MARF1: variants seen among roughly 807,000 people sequenced by gnomAD.
MARF1 encodes meiosis regulator and mRNA stability factor 1.
A neutral mutation model predicts 168.2 loss-of-function variants in MARF1; 24 were observed. The observed-to-expected ratio is 0.14, with a 90% CI of 0.10 to 0.20. The LOEUF (loss-of-function observed/expected upper bound fraction) is 0.20, where lower values mean the gene tolerates loss of function less well. Among genes scored for constraint, MARF1 ranks in the 10% least tolerant of loss-of-function variants. The pLI, the probability that MARF1 is intolerant of heterozygous loss-of-function variation, is 1.00. For missense variants in MARF1, 1,744 were observed against 2,143.6 expected (o/e 0.81, Z 3.68); for synonymous variants, 868 against 822.4 (o/e 1.06, Z -0.95).
At chr16:15,620,036 A>G (rs1228689674) in intron 13 of MARF1, among the ~76,000 whole-genome samples, 1 of 152,098 alleles carries the variant, frequency 6.6e-6, no homozygotes, top group East Asian at 1.9e-4. Flanking sequence ...TTGGTGGCAC[A>G]TGCCTGTAGT....
chr16:15,604,085 T>A (rs1005524463), intron 22 of MARF1, 83 bp downstream of exon 22: 34 of 1,092,358 alleles, frequency 3.1e-5, no homozygotes, highest in Non-Finnish European at 4.5e-5. Flanking sequence ...CTCTACACAC[T>A]CTAATCTAGA....
At position 15,643,077 on chromosome 16, in the gene MARF1, C is replaced by G. The variant is rs1052769129; in HGVS notation, c.-118G>C. On this transcript the variant is annotated 5_prime_UTR_variant, in exon 1 of 27. Transcript: ENST00000396368. The stretch of plus-strand genomic sequence containing the variant: ...GCCCCGCCGCCTTCCCCCCGCCCCC[C>G]CCAGGCCCTTTGTTTTGATTCCCGA... 6.4e-5 allele frequency: 19 copies of G among 298,196 alleles called. No homozygotes were observed. Among genetic ancestry groups the G allele is most frequent in the African/African-American group, 1.4e-4 (6 of 42,280 alleles). 18.5% of individuals were successfully genotyped at this position (298,196 alleles called of 1,614,324 possible).
At chr16:15,608,582 A>C in intron 20 of MARF1, 64 bp from the exon 21 acceptor site, 1 of 1,166,078 alleles carries the variant, frequency 8.6e-7, no homozygotes, top group Non-Finnish European at 1.2e-6. Context: ...ACAGAATAGC[A>C]AAAAAAGTAT....
At chr16:15,614,218 C>G (rs1256610276) in intron 16 of MARF1, among the ~76,000 whole-genome samples, 1 of 151,960 alleles carries the variant, frequency 6.6e-6, no homozygotes, top group African/African-American at 2.4e-5. Context: ...TGCGGTGGCT[C>G]ACGTCTGTAA....
intron 13 of MARF1, among the ~76,000 whole-genome samples, chr16:15,619,295 T>TA (rs1485695991): frequency 2.0e-5 from 3 of 152,064 alleles, no homozygotes; most frequent in Non-Finnish European, 4.4e-5. Context: ...TTGTTTTTAA[T>TA]AAAAAAAATT....
intron 7 of MARF1, among the ~76,000 whole-genome samples, chr16:15,627,491 G>A (rs933032791): frequency 4.3e-4 from 65 of 152,238 alleles, no homozygotes; most frequent in African/African-American, 1.5e-3. Context: ...GGTGGCGGGC[G>A]CCTGTAATCC....
At chr16:15,619,577 G>T (rs9302517) in intron 13 of MARF1, among the ~76,000 whole-genome samples, 7,654 of 152,128 alleles carry the variant, frequency 0.05, 654 homozygotes, top group African/African-American at 0.17. Context: ...CAAGTTCCTT[G>T]TTCTTCCCTT....
intron 18 of MARF1, 106 bp from the exon 19 acceptor site, chr16:15,611,214 T>A (rs2033507275): frequency 9.1e-7 from 1 of 1,094,142 alleles, no homozygotes; most frequent in East Asian, 2.4e-5. Flanking sequence ...ATCCCAGCAC[T>A]TTGGGAGGCC....
chr16:15,600,670 C>T lies in MARF1; in HGVS notation c.4658G>A (p.Arg1553Lys). 1 of 1,613,824 alleles carries T rather than the reference C, an allele frequency of 6.2e-7. No individual in the cohort carries two copies. The highest frequency in any genetic ancestry group is 8.5e-7 in the Non-Finnish European group (1 of 1,180,034). Residue 1553 changes from arginine (R) to lysine (K), a missense_variant, in exon 24 of 27, where the codon AGA becomes AAA. Arg to Lys is a conservative substitution (Grantham distance 26). Transcript: ENST00000396368. The part of the protein sequence containing the change: ...VVWIKGHGHK[R>K]IVVLKNDMKS... ...CATGTCATTTTTTAACACTACAATT[C>T]TCTTATGACCATGTCCTTTTATCCA...
At chr16:15,617,231 A>C (rs2034126583) in intron 14 of MARF1, 60 bp from the exon 15 acceptor site, 5 of 1,610,314 alleles carry the variant, frequency 3.1e-6, no homozygotes, top group Non-Finnish European at 3.4e-6. Context: ...GATGTTCACA[A>C]GGTCATCCTA....
chr16:15,601,815 A>C (rs911795773), intron 23 of MARF1, 176 bp downstream of exon 23: 12 of 638,120 alleles, frequency 1.9e-5, no homozygotes, highest in Non-Finnish European at 3.3e-5. Flanking sequence ...GGTTTACAGA[A>C]AGAATCAAGG....
chr16:15,597,433 AGAGT>A (rs371534578), intron 26 of MARF1, among the ~76,000 whole-genome samples: 41 of 152,360 alleles, frequency 2.7e-4, no homozygotes, highest in African/African-American at 9.4e-4. Flanking sequence ...AGGACTACGC[AGAGT>A]GAGAATTACC....
In MARF1 at chr16:15,596,594, G is replaced by A; in HGVS notation, c.*99C>T. 7.9e-7 allele frequency: 1 copy of A among 1,266,586 alleles called. No individual in the cohort carries two copies. The highest frequency in any genetic ancestry group is 1.1e-6 in the Non-Finnish European group (1 of 936,092). 78.5% of individuals were successfully genotyped at this position (1,266,586 alleles called of 1,614,324 possible). On this transcript the variant is annotated 3_prime_UTR_variant, in exon 27 of 27. Coordinates refer to ENST00000396368, the MANE Select transcript of MARF1 (RefSeq NM_014647.4). ...TAAGATGAAGTCAATGGCTTCGGGG[G>A]GTTTTCATGACACAGAAAAGGATGT...
At position 15,609,536 on chromosome 16, in the gene MARF1, G is replaced by C; in HGVS notation, c.3941C>G (p.Pro1314Arg). 3 of 1,613,174 alleles carry C rather than the reference G, an allele frequency of 1.9e-6. No homozygotes were observed. The highest frequency in any genetic ancestry group is 2.5e-6 in the Non-Finnish European group (3 of 1,179,202). The change falls in exon 20 of 27, where the codon CCT becomes CGT. Residue 1314 changes from proline to arginine, a missense_variant. Physicochemically the swap from Pro to Arg is moderately radical, Grantham distance 103 (BLOSUM62 -2). This residue lies in a region of MARF1 where 543 missense variants were observed against 742.1 expected (regional missense o/e 0.73). Coordinates refer to ENST00000396368, the MANE Select transcript of MARF1 (RefSeq NM_014647.4). The part of the protein sequence containing the change: ...TKLLELFEAI[P>R]DTLQVLECGE... ...TTCTTCACTCACTTGTAAAGTATCA[G>C]GTATGGCTTCAAAAAGTTCAAGTAG...
Position 15,631,327 on chromosome 16 carries a change from A to G in MARF1, c.1351+54T>C, listed in dbSNP as rs956586157. The stretch of plus-strand genomic sequence containing the variant: ...CTTTCACATGTTGCTGGCTTCTATG[A>G]TAATTTCCCACACAGTGAGTTTAGC... On this transcript the variant is annotated intron_variant, in intron 6 of 26. Coordinates refer to ENST00000396368, the MANE Select transcript of MARF1 (RefSeq NM_014647.4). 8 of 1,238,230 alleles carry G rather than the reference A, an allele frequency of 6.5e-6. 1 individual carries two copies. The African/African-American group carries it at 1.0e-4, about 16-fold the overall frequency. 76.7% of individuals were successfully genotyped at this position (1,238,230 alleles called of 1,614,324 possible). A position where few individuals can be genotyped will look rare whatever the true frequency, so the allele number is the denominator to read the frequency against.
chr16:15,640,053 C>T (rs1387796137), intron 1 of MARF1, among the ~76,000 whole-genome samples: 2 of 152,102 alleles, frequency 1.3e-5, no homozygotes, highest in African/African-American at 2.4e-5. Context: ...GAATTCTTTT[C>T]GGCTCTCTCT....
chr16:15,635,531 G>A (rs1337247697), intron 3 of MARF1, 125 bp downstream of exon 3: 2 of 829,540 alleles, frequency 2.4e-6, no homozygotes, highest in African/African-American at 3.5e-5. Context: ...TGCTGATGGG[G>A]AGATTCCCCT....
At chr16:15,641,132 A>G (rs924485121) in intron 1 of MARF1, among the ~76,000 whole-genome samples, 2 of 152,152 alleles carry the variant, frequency 1.3e-5, no homozygotes, top group Admixed American at 1.3e-4. Context: ...GTTTCCTCCT[A>G]TGCAAAATGT....
intron 25 of MARF1, 129 bp from the exon 26 acceptor site, chr16:15,599,153 T>C (rs1203229551): frequency 4.6e-6 from 2 of 437,998 alleles, no homozygotes; most frequent in East Asian, 3.9e-5. Context: ...ATTTAAGGTA[T>C]TAAAAAAAAA....
Sources: gnomAD v4.1 joint callset for allele counts (sites outside exome capture counted in the v4.1 genomes callset) on GRCh38, gnomAD v4.1.1 for gene constraint, gnomAD v4.1.1 regional missense constraint, MANE v1.5 for transcripts, NCBI Gene and HGNC (gene_info 2026-07-23, HGNC 2026-07-21) for gene names.